The following SLC24A4 variants were observed in gnomAD, a reference collection of about 807,000 sequenced individuals.
SLC24A4 encodes sodium/potassium/calcium exchanger 4.
SLC24A4 carries 53 observed loss-of-function variants against 79.0 expected under a neutral mutation model. The ratio of observed to expected loss-of-function variants is 0.67; its 90% CI spans 0.54 to 0.84. SLC24A4 has a LOEUF of 0.84. Among genes scored for constraint, SLC24A4 ranks in the 40% least tolerant of loss-of-function variants. The pLI, the probability that SLC24A4 is intolerant of heterozygous loss-of-function variation, is 0.00. For missense variants in SLC24A4, 731 were observed against 822.0 expected (o/e 0.89, Z 1.35); for synonymous variants, 323 against 323.8 (o/e 1.00, Z 0.03).
intron 2 of SLC24A4, among the ~76,000 whole-genome samples, chr14:92,357,533 C>T (rs1290841829): frequency 6.6e-6 from 1 of 152,162 alleles, no homozygotes; most frequent in Non-Finnish European, 1.5e-5. Context: ...GAAATTCTGA[C>T]ACATGCTACA....
At chr14:92,387,394 C>G (rs1595201188) in intron 2 of SLC24A4, among the ~76,000 whole-genome samples, 1 of 152,102 alleles carries the variant, frequency 6.6e-6, no homozygotes, top group East Asian at 1.9e-4. Context: ...CTAGGCTGAC[C>G]TCGAACTCTT....
At chr14:92,407,932 T>C (rs1405086233) in intron 2 of SLC24A4, among the ~76,000 whole-genome samples, 2 of 146,122 alleles carry the variant, frequency 1.4e-5, no homozygotes, top group Non-Finnish European at 1.5e-5. Flanking sequence ...GTTTCCAGTG[T>C]GGATTCAGAT....
At chr14:92,414,026 G>T (rs1161549094) in intron 2 of SLC24A4, among the ~76,000 whole-genome samples, 1 of 152,084 alleles carries the variant, frequency 6.6e-6, no homozygotes, top group African/African-American at 2.4e-5. Context: ...ACAGCATATG[G>T]ACCAGTAGAT....
intron 2 of SLC24A4, among the ~76,000 whole-genome samples, chr14:92,326,372 G>A (rs2141586894): frequency 6.6e-6 from 1 of 152,314 alleles, no homozygotes; most frequent in South Asian, 2.1e-4. Flanking sequence ...TGGCAATGGT[G>A]CTTTGAGGTG....
At chr14:92,491,267 A>T (rs1327036188) in intron 14 of SLC24A4, among the ~76,000 whole-genome samples, 1 of 152,212 alleles carries the variant, frequency 6.6e-6, no homozygotes, top group African/African-American at 2.4e-5. Context: ...AACTGTCATT[A>T]AATTTGAATG....
intron 2 of SLC24A4, among the ~76,000 whole-genome samples, chr14:92,361,298 G>T (rs57526762): frequency 0.059 from 6,811 of 115,080 alleles, 522 homozygotes; most frequent in African/African-American, 0.2. Flanking sequence ...TTTTTTTTTT[G>T]AATAATCTTG....
intron 2 of SLC24A4, among the ~76,000 whole-genome samples, chr14:92,416,132 T>A (rs1216900342): frequency 6.6e-6 from 1 of 151,600 alleles, no homozygotes; most frequent in Non-Finnish European, 1.5e-5. Context: ...GGTGTGTGTG[T>A]GTGTGTGTGT....
intron 2 of SLC24A4, among the ~76,000 whole-genome samples, chr14:92,387,239 A>T (rs7142999): frequency 0.28 from 41,918 of 150,326 alleles, 7,564 homozygotes; most frequent in African/African-American, 0.52. Flanking sequence ...AGCAGTGGCG[A>T]GATCTCGGCT....
At chr14:92,389,085 T>C (rs1236646829) in intron 2 of SLC24A4, among the ~76,000 whole-genome samples, 3 of 152,138 alleles carry the variant, frequency 2.0e-5, no homozygotes, top group Admixed American at 6.5e-5. Context: ...GGCAGGTAAG[T>C]GAGTGAGGAT....
At chr14:92,480,959 T>C (rs1019647889) in intron 12 of SLC24A4, among the ~76,000 whole-genome samples, 1 of 152,218 alleles carries the variant, frequency 6.6e-6, no homozygotes, top group African/African-American at 2.4e-5. Context: ...CACTGAAGTC[T>C]CTGCTAGGTT....
Position 92,442,816 on chromosome 14 carries a change from G to A in SLC24A4, c.582G>A (p.Gln194=). The A allele has an allele frequency of 6.2e-7, 1 of 1,613,552 alleles. No homozygotes were observed. Among genetic ancestry groups the A allele is most frequent in the Non-Finnish European group, 8.5e-7 (1 of 1,179,514 alleles). The change falls in exon 6 of 17, where the codon CAG becomes CAA. Residue 194 remains glutamine, a splice_region_variant and synonymous_variant. Coordinates refer to ENST00000532405, the MANE Select transcript of SLC24A4 (RefSeq NM_153646.4). The stretch of plus-strand genomic sequence containing the variant: ...GAGTGTGCGGACTGTTTGCTGGCCA[G>A]GTCAGTGGTTTCTCCCTGGGCCCGG... ...IIGVCGLFAG[Q]VVRLTWWAVC...
chr14:92,350,063 A>C (rs1158596737), intron 2 of SLC24A4, among the ~76,000 whole-genome samples: 2 of 152,234 alleles, frequency 1.3e-5, no homozygotes, highest in African/African-American at 4.8e-5. Context: ...AGCCCAGAAG[A>C]AGGCACTTGT....
chr14:92,468,920 G>A (rs1222369961), intron 12 of SLC24A4, among the ~76,000 whole-genome samples: 1 of 115,768 alleles, frequency 8.6e-6, no homozygotes, highest in African/African-American at 2.8e-5. Flanking sequence ...GTGTGTGTGT[G>A]TGTGTGTGTG....
At chr14:92,492,812 A>G (rs1895761273) in intron 16 of SLC24A4, 1 of 454,566 alleles carries the variant, frequency 2.2e-6, no homozygotes, top group Non-Finnish European at 4.4e-6. Flanking sequence ...GGGAACTCTG[A>G]CTTTTTACTC....
intron 2 of SLC24A4, among the ~76,000 whole-genome samples, chr14:92,372,997 C>CT (rs1888286092): frequency 7.2e-6 from 1 of 139,320 alleles, no homozygotes; most frequent in Admixed American, 7.6e-5. Context: ...CTCTCTCTCT[C>CT]TTCTTTCTTT....
intron 12 of SLC24A4, among the ~76,000 whole-genome samples, chr14:92,460,845 C>T (rs770670300): frequency 6.6e-6 from 1 of 152,214 alleles, no homozygotes; most frequent in Admixed American, 6.5e-5. Flanking sequence ...CTGGGATTGC[C>T]GGGGTGGAGC....
intron 2 of SLC24A4, among the ~76,000 whole-genome samples, chr14:92,386,255 G>A (rs1234445943): frequency 6.6e-6 from 1 of 152,166 alleles, no homozygotes; most frequent in Non-Finnish European, 1.5e-5. Flanking sequence ...TGGGAGTGAT[G>A]TTGGTAAGAG....
rs193136906 is a variant in SLC24A4 at position 92,351,669 on chromosome 14, C to T, written c.241+25691C>T. 2.2e-3 allele frequency among the ~76,000 whole-genome samples: 331 copies of T among 151,816 alleles called. 2 individuals carry two copies. Among genetic ancestry groups the T allele is most frequent in the African/African-American group, 7.5e-3 (309 of 41,410 alleles). On this transcript the variant is annotated intron_variant, in intron 2 of 16. Coordinates refer to ENST00000532405, the MANE Select transcript of SLC24A4 (RefSeq NM_153646.4). ...GCCAGGAGTTTGAGACCAGCCTGGC[C>T]GACATGGTGAAACCCCATCTCTACT...
At chr14:92,444,275 T>C (rs941963700) in intron 7 of SLC24A4, among the ~76,000 whole-genome samples, 5 of 152,228 alleles carry the variant, frequency 3.3e-5, no homozygotes, top group Admixed American at 6.5e-5. Flanking sequence ...GTAAATGTTT[T>C]GGCACGGATA....
Sources: gnomAD v4.1 joint callset for allele counts (sites outside exome capture counted in the v4.1 genomes callset) on GRCh38, gnomAD v4.1.1 for gene constraint, MANE v1.5 for transcripts, NCBI Gene and HGNC (gene_info 2026-07-23, HGNC 2026-07-21) for gene names.